The following POU6F2 variants were observed in gnomAD, a reference collection of about 807,000 sequenced individuals.
POU6F2 encodes POU class 6 homeobox 2, also known as POU domain, class 6, transcription factor 2.
A neutral mutation model predicts 71.3 loss-of-function variants in POU6F2; 31 were observed. The ratio of observed to expected loss-of-function variants is 0.43; its 90% CI spans 0.33 to 0.59. The LOEUF (loss-of-function observed/expected upper bound fraction) is 0.59. Among genes scored for constraint, POU6F2 ranks in the 20% least tolerant of loss-of-function variants. The pLI is 0.04. For synonymous variants in POU6F2, 347 were observed against 355.7 expected, an observed-to-expected ratio of 0.98 and a Z score of 0.27; for missense variants, 783 against 856.8, an observed-to-expected ratio of 0.91 and a Z score of 1.07.
chr7:39,108,046 A>G (rs1042263269), intron 2 of POU6F2, among the ~76,000 whole-genome samples: 8 of 152,162 alleles, frequency 5.3e-5, no homozygotes, highest in African/African-American at 1.9e-4. Context: ...TTTCAACACA[A>G]TGGGCTATAA....
At chr7:38,988,573 C>A (rs190910032) in intron 1 of POU6F2, among the ~76,000 whole-genome samples, 29 of 152,146 alleles carry the variant, frequency 1.9e-4, no homozygotes, top group African/African-American at 6.5e-4. Context: ...CAGAAAAGGG[C>A]TAAATATTTA....
intron 2 of POU6F2, among the ~76,000 whole-genome samples, chr7:39,103,764 CT>C (rs2128724162): frequency 6.6e-6 from 1 of 152,264 alleles, no homozygotes; most frequent in African/African-American, 2.4e-5. Context: ...TGGCAAACCC[CT>C]GTACTGGCGA....
At chr7:39,055,640 T>C (rs890652235) in intron 1 of POU6F2, among the ~76,000 whole-genome samples, 1 of 151,498 alleles carries the variant, frequency 6.6e-6, no homozygotes, top group Non-Finnish European at 1.5e-5. Flanking sequence ...TTTTGTCTAG[T>C]TTTTTTTCAT....
chr7:39,045,769 T>G (rs1374265243), intron 1 of POU6F2, among the ~76,000 whole-genome samples: 1 of 151,956 alleles, frequency 6.6e-6, no homozygotes, highest in Non-Finnish European at 1.5e-5. Context: ...TTTCTGTCAC[T>G]ACAAATTGGC....
chr7:39,078,070 T>A (rs1284682188), intron 1 of POU6F2, among the ~76,000 whole-genome samples: 1 of 152,220 alleles, frequency 6.6e-6, no homozygotes, highest in East Asian at 1.9e-4. Context: ...AGTGAGGGTT[T>A]GCTACATCGT....
intron 1 of POU6F2, among the ~76,000 whole-genome samples, chr7:39,050,567 G>T (rs985682909): frequency 5.3e-5 from 8 of 152,098 alleles, no homozygotes; most frequent in Admixed American, 3.9e-4. Context: ...TAAACTTCTG[G>T]TTGGCCCATT....
chr7:39,048,666 G>C (rs2128713469), intron 1 of POU6F2, among the ~76,000 whole-genome samples: 1 of 151,992 alleles, frequency 6.6e-6, no homozygotes, highest in Non-Finnish European at 1.5e-5. Flanking sequence ...ATGTCTTTTT[G>C]ATAGAAAAAT....
chr7:39,179,567 A>G (rs1195212624), intron 2 of POU6F2, among the ~76,000 whole-genome samples: 1 of 152,230 alleles, frequency 6.6e-6, no homozygotes, highest in African/African-American at 2.4e-5. Context: ...AGTCTACAGA[A>G]CTGATCTTTG....
intron 1 of POU6F2, among the ~76,000 whole-genome samples, chr7:38,979,381 T>C (rs1584477364): frequency 6.6e-6 from 1 of 152,208 alleles, no homozygotes; most frequent in Admixed American, 6.5e-5. Context: ...CCAGCATGCT[T>C]GCTTCATAAT....
At chr7:39,264,118 G>T (rs1784197259) in intron 4 of POU6F2, among the ~76,000 whole-genome samples, 1 of 152,186 alleles carries the variant, frequency 6.6e-6, no homozygotes, top group African/African-American at 2.4e-5. Context: ...AGGACCATGG[G>T]CCCTAGAGCT....
chr7:39,028,751 T>C (rs908817347), intron 1 of POU6F2, among the ~76,000 whole-genome samples: 2 of 152,194 alleles, frequency 1.3e-5, no homozygotes, highest in Admixed American at 6.5e-5. Context: ...ATTTGTATAG[T>C]TCTCTTTGTA....
At chr7:39,427,168 G>A (rs895880977) in intron 6 of POU6F2, among the ~76,000 whole-genome samples, 3 of 152,146 alleles carry the variant, frequency 2.0e-5, no homozygotes, top group Non-Finnish European at 4.4e-5. Context: ...ACACTTATTT[G>A]GCTGGTAAAC....
intron 7 of POU6F2, among the ~76,000 whole-genome samples, chr7:39,440,038 T>C (rs367662340): frequency 3.0e-4 from 45 of 152,352 alleles, no homozygotes; most frequent in African/African-American, 1.0e-3. Context: ...GTAGAGTTTC[T>C]GCTGAGAGGT....
At chr7:39,384,193 A>T (rs1182581925) in intron 5 of POU6F2, among the ~76,000 whole-genome samples, 1 of 152,208 alleles carries the variant, frequency 6.6e-6, no homozygotes, top group African/African-American at 2.4e-5. Context: ...TGGAGAAAGG[A>T]ATTTTATTGG....
chr7:39,168,563 A>G (rs1221836072), intron 2 of POU6F2, among the ~76,000 whole-genome samples: 1 of 152,186 alleles, frequency 6.6e-6, no homozygotes, highest in African/African-American at 2.4e-5. Flanking sequence ...ATTGGTCACG[A>G]GCCCTTTCTC....
chr7:39,272,298 CCCT>C (rs1201831281), intron 4 of POU6F2, among the ~76,000 whole-genome samples: 9 of 152,290 alleles, frequency 5.9e-5, no homozygotes, highest in Admixed American at 5.9e-4. Flanking sequence ...CCAGGCTAAT[CCCT>C]CCTCCACTCC....
intron 1 of POU6F2, among the ~76,000 whole-genome samples, chr7:39,005,952 C>A (rs1440817036): frequency 6.6e-6 from 1 of 152,082 alleles, no homozygotes; most frequent in Admixed American, 6.6e-5. Context: ...TGACAGAGAT[C>A]CAGGATAATA....
At chr7:39,050,405 A>G (rs867474494) in intron 1 of POU6F2, among the ~76,000 whole-genome samples, 22 of 152,130 alleles carry the variant, frequency 1.4e-4, no homozygotes, top group African/African-American at 5.1e-4. Context: ...AGTTTCTGGT[A>G]TCTCCTCTGC....
At chr7:39,153,943 C>T (rs1338663183) in intron 2 of POU6F2, among the ~76,000 whole-genome samples, 1 of 152,096 alleles carries the variant, frequency 6.6e-6, no homozygotes, top group Non-Finnish European at 1.5e-5. Flanking sequence ...AACTCTGCCA[C>T]CTATAATGTT....
Sources: allele counts gnomAD v4.1 joint callset (sites outside exome capture counted in the v4.1 genomes callset), GRCh38; gene constraint gnomAD v4.1.1; transcripts MANE v1.5; gene names NCBI Gene and HGNC (gene_info 2026-07-23, HGNC 2026-07-21).